NRG3: variants seen among roughly 807,000 people sequenced by gnomAD.
NRG3 encodes the protein neuregulin 3.
A neutral mutation model predicts 66.9 loss-of-function variants in NRG3; 31 were observed. The observed-to-expected ratio is 0.46, with a 90% CI of 0.35 to 0.63. NRG3 has a LOEUF of 0.63. Ranked by LOEUF, NRG3 falls within the 20% of genes least tolerant of loss-of-function variation. NRG3 has a pLI of 0.00. For synonymous variants in NRG3, 393 were observed against 359.4 expected (o/e 1.09, Z -1.06); for missense variants, 910 against 878.9 (o/e 1.04, Z -0.45).
intron 2 of NRG3, among the ~76,000 whole-genome samples, chr10:82,428,659 G>C (rs1367665123): frequency 1.3e-5 from 2 of 151,882 alleles, no homozygotes; most frequent in African/African-American, 4.8e-5. Flanking sequence ...AATGTTCTGT[G>C]TGAACTGGAA....
intron 2 of NRG3, among the ~76,000 whole-genome samples, chr10:82,623,179 AG>A (rs1056825289): frequency 2.6e-5 from 4 of 152,186 alleles, no homozygotes; most frequent in African/African-American, 9.7e-5. Flanking sequence ...TAGCAATTAA[AG>A]AAGGATATAA....
At chr10:82,420,831 GA>G (rs1461688777) in intron 2 of NRG3, among the ~76,000 whole-genome samples, 1 of 152,130 alleles carries the variant, frequency 6.6e-6, no homozygotes, top group East Asian at 1.9e-4. Flanking sequence ...AATAAAAAGG[GA>G]AAAATTATTG....
At chr10:82,304,926 ATCT>A (rs909911422) in intron 1 of NRG3, among the ~76,000 whole-genome samples, 5 of 148,126 alleles carry the variant, frequency 3.4e-5, no homozygotes, top group Non-Finnish European at 7.4e-5. Flanking sequence ...ACTATCACAG[ATCT>A]TCTTGAAATT....
At chr10:82,316,630 A>G (rs987154732) in intron 1 of NRG3, among the ~76,000 whole-genome samples, 1 of 152,128 alleles carries the variant, frequency 6.6e-6, no homozygotes, top group Non-Finnish European at 1.5e-5. Flanking sequence ...CACTTCTGTC[A>G]TTTGCTCCAT....
intron 1 of NRG3, among the ~76,000 whole-genome samples, chr10:82,354,288 A>G (rs1053933908): frequency 6.6e-6 from 1 of 151,512 alleles, no homozygotes. Context: ...TGATCCTCCC[A>G]CCTTGGCTCC....
At chr10:82,569,735 G>A (rs532754630) in intron 2 of NRG3, among the ~76,000 whole-genome samples, 1 of 151,696 alleles carries the variant, frequency 6.6e-6, no homozygotes, top group South Asian at 2.1e-4. Context: ...TGCTAGATAA[G>A]TTCATTCATA....
intron 2 of NRG3, among the ~76,000 whole-genome samples, chr10:82,552,998 T>G (rs2044418486): frequency 1.3e-5 from 2 of 151,674 alleles, no homozygotes; most frequent in African/African-American, 4.8e-5. Flanking sequence ...CAAATCTGCT[T>G]ATCTGTTTCC....
intron 3 of NRG3, among the ~76,000 whole-genome samples, chr10:82,752,015 C>G (rs2058886213): frequency 6.6e-6 from 1 of 152,024 alleles, no homozygotes; most frequent in African/African-American, 2.4e-5. Flanking sequence ...ACATCAGGCA[C>G]TCAGGTAATT....
chr10:82,222,811 C>T (rs1271524550), intron 1 of NRG3, among the ~76,000 whole-genome samples: 1 of 152,052 alleles, frequency 6.6e-6, no homozygotes, highest in Non-Finnish European at 1.5e-5. Flanking sequence ...TCTTCAGTGC[C>T]CCAATGTGGA....
intron 2 of NRG3, among the ~76,000 whole-genome samples, chr10:82,454,912 A>T (rs1056168949): frequency 2.0e-5 from 3 of 152,250 alleles, no homozygotes; most frequent in Non-Finnish European, 4.4e-5. Flanking sequence ...ACGTACTCTC[A>T]TTGAGTTTTC....
chr10:81,924,831 G>C (rs1447985321), intron 1 of NRG3, among the ~76,000 whole-genome samples: 1 of 152,072 alleles, frequency 6.6e-6, no homozygotes, highest in African/African-American at 2.4e-5. Flanking sequence ...TTGTTTAATT[G>C]AGTGGATTTC....
chr10:82,295,766 T>C (rs2080025459), intron 1 of NRG3, among the ~76,000 whole-genome samples: 1 of 152,196 alleles, frequency 6.6e-6, no homozygotes, highest in South Asian at 2.1e-4. Context: ...ATGTATATTT[T>C]CTCAACGTCA....
intron 1 of NRG3, among the ~76,000 whole-genome samples, chr10:81,926,808 T>G (rs774819120): frequency 5.9e-5 from 9 of 152,240 alleles, no homozygotes; most frequent in Admixed American, 1.3e-4. Flanking sequence ...AATCCGTAGA[T>G]GTACCCTGAC....
At chr10:82,140,893 A>C (rs1302092326) in intron 1 of NRG3, among the ~76,000 whole-genome samples, 1 of 152,190 alleles carries the variant, frequency 6.6e-6, no homozygotes, top group African/African-American at 2.4e-5. Flanking sequence ...AACACTGGAT[A>C]GTGTTAGCCT....
intron 2 of NRG3, among the ~76,000 whole-genome samples, chr10:82,405,668 A>G (rs1418914436): frequency 2.0e-5 from 3 of 152,060 alleles, no homozygotes; most frequent in Admixed American, 1.3e-4. Context: ...GAATTTTGCC[A>G]TGTCGGCCAG....
chr10:82,970,766 T>C (rs1851647595), intron 6 of NRG3, among the ~76,000 whole-genome samples: 1 of 152,230 alleles, frequency 6.6e-6, no homozygotes, highest in Admixed American at 6.5e-5. Context: ...CTAGGTGTTT[T>C]GTCCTGGTAA....
chr10:82,713,007 C>T (rs1323789820), intron 2 of NRG3, among the ~76,000 whole-genome samples: 1 of 147,924 alleles, frequency 6.8e-6, no homozygotes, highest in African/African-American at 2.5e-5. Context: ...ATAATCCTAG[C>T]TACTCGGGAG....
At chr10:82,058,911 A>T (rs1449653137) in intron 1 of NRG3, among the ~76,000 whole-genome samples, 1 of 152,186 alleles carries the variant, frequency 6.6e-6, no homozygotes, top group Non-Finnish European at 1.5e-5. Flanking sequence ...TACAATCAGG[A>T]AAAGCTTCCT....
intron 6 of NRG3, among the ~76,000 whole-genome samples, chr10:82,968,420 C>T (rs1250010054): frequency 1.3e-5 from 2 of 152,026 alleles, no homozygotes; most frequent in African/African-American, 4.8e-5. Context: ...CAAAATAATA[C>T]AAATAAAAAC....
Sources: gnomAD v4.1 joint callset for allele counts (sites outside exome capture counted in the v4.1 genomes callset) on GRCh38, gnomAD v4.1.1 for gene constraint, MANE v1.5 for transcripts, NCBI Gene and HGNC (gene_info 2026-07-23, HGNC 2026-07-21) for gene names.